Variants in GALNTL6 observed in about 807,000 individuals in gnomAD.
GALNTL6 encodes the protein polypeptide N-acetylgalactosaminyltransferase-like 6.
In GALNTL6, 46 loss-of-function variants were observed where a neutral mutation model predicts 73.7. The ratio of observed to expected loss-of-function variants is 0.62; its 90% confidence interval spans 0.49 to 0.80. The LOEUF is 0.80. Ranked by LOEUF, GALNTL6 falls within the 30% of genes least tolerant of loss-of-function variation. The pLI is 0.00. For missense variants in GALNTL6, 604 were observed against 755.0 expected, an observed-to-expected ratio of 0.80 and a Z score of 2.34; for synonymous variants, 259 against 263.7, an observed-to-expected ratio of 0.98 and a Z score of 0.17.
At chr4:172,853,816 C>T (rs182243237) in intron 7 of GALNTL6, among the ~76,000 whole-genome samples, 1 of 152,232 alleles carries the variant, frequency 6.6e-6, no homozygotes, top group Admixed American at 6.5e-5. Flanking sequence ...AACCTGCTTT[C>T]CAAAGCAGGT....
intron 7 of GALNTL6, among the ~76,000 whole-genome samples, chr4:172,834,870 G>A (rs377196185): frequency 1.4e-4 from 21 of 152,234 alleles, no homozygotes; most frequent in African/African-American, 4.3e-4. Flanking sequence ...TTCATGGCTT[G>A]TTCAAGAACC....
In GALNTL6 at chr4:172,790,896, C is replaced by CAA. The variant is rs770813700; in HGVS notation, c.554-18445_554-18444dup. ...CCTGGGCTACAGAGTGAGACTCCAT[C>CAA]AAAAAAAAAAAAAAAAAAAAAGCAT... On this transcript the variant is annotated intron_variant, in intron 5 of 12. Transcript: ENST00000506823. 1.4e-3 allele frequency among the ~76,000 whole-genome samples: 99 copies of CAA among 71,354 alleles called. 1 individual carries two copies. Among genetic ancestry groups the CAA allele is most frequent in the East Asian group, 4.9e-3 (11 of 2,260 alleles). The allele number at this position is 71,354 out of a possible 152,430, so 46.8% of individuals were successfully genotyped here.
intron 2 of GALNTL6, among the ~76,000 whole-genome samples, chr4:171,901,079 A>C (rs1425521795): frequency 6.6e-6 from 1 of 152,206 alleles, no homozygotes; most frequent in Non-Finnish European, 1.5e-5. Context: ...AATTACCCTG[A>C]TTTAAAGTTG....
intron 2 of GALNTL6, among the ~76,000 whole-genome samples, chr4:171,949,041 T>G (rs17057610): frequency 0.24 from 35,779 of 151,180 alleles, 4,464 homozygotes; most frequent in Middle Eastern, 0.33. Flanking sequence ...GTATTCAGAG[T>G]GCGTCCAAAA....
At chr4:172,468,906 C>T (rs191623691) in intron 5 of GALNTL6, among the ~76,000 whole-genome samples, 1 of 152,318 alleles carries the variant, frequency 6.6e-6, no homozygotes, top group East Asian at 1.9e-4. Flanking sequence ...TCTTCCTTTT[C>T]AGCTGGCTTC....
At chr4:172,057,715 AAAAAAAAAAAAAATATATATAT>A (rs1731061416) in intron 2 of GALNTL6, among the ~76,000 whole-genome samples, 1 of 104,896 alleles carries the variant, frequency 9.5e-6, no homozygotes, top group African/African-American at 3.7e-5. Context: ...AAAAAAAAAA[AAAAAAAAAAAAAATATATATAT>A]ATATATATAT....
chr4:172,423,582 T>C (rs1215794494), intron 5 of GALNTL6, among the ~76,000 whole-genome samples: 1 of 152,086 alleles, frequency 6.6e-6, no homozygotes, highest in Admixed American at 6.6e-5. Flanking sequence ...GACTACATTA[T>C]TTAAATTTGC....
chr4:172,477,640 A>C (rs1733286731), intron 5 of GALNTL6, among the ~76,000 whole-genome samples: 3 of 152,230 alleles, frequency 2.0e-5, no homozygotes, highest in African/African-American at 7.2e-5. Context: ...TATGATGAAC[A>C]ACAGATCTCA....
intron 2 of GALNTL6, among the ~76,000 whole-genome samples, chr4:171,904,691 A>G (rs183423518): frequency 0.012 from 1,879 of 152,232 alleles, 45 homozygotes; most frequent in African/African-American, 0.043. Context: ...ACACATAATT[A>G]TCAGATTCAC....
intron 3 of GALNTL6, among the ~76,000 whole-genome samples, chr4:172,307,230 T>C (rs906796258): frequency 1.3e-5 from 2 of 152,176 alleles, no homozygotes; most frequent in Non-Finnish European, 2.9e-5. Context: ...TGAGCACTTT[T>C]TCATATGTTT....
At chr4:172,126,009 A>G (rs937751196) in intron 2 of GALNTL6, among the ~76,000 whole-genome samples, 1 of 152,078 alleles carries the variant, frequency 6.6e-6, no homozygotes, top group Admixed American at 6.6e-5. Flanking sequence ...AGTATTATAT[A>G]TACACATTAG....
At chr4:172,313,830 C>G (rs764334168) in intron 4 of GALNTL6, among the ~76,000 whole-genome samples, 14 of 151,962 alleles carry the variant, frequency 9.2e-5, no homozygotes, top group Non-Finnish European at 8.8e-5. Flanking sequence ...CAACAAAAAC[C>G]TTGAGAGGGT....
intron 5 of GALNTL6, among the ~76,000 whole-genome samples, chr4:172,413,187 G>A (rs901106687): frequency 1.3e-5 from 2 of 152,172 alleles, no homozygotes; most frequent in Non-Finnish European, 1.5e-5. Context: ...ATGGGACTGG[G>A]TTTCTGCCAC....
chr4:172,000,790 G>A (rs72994974), intron 2 of GALNTL6, among the ~76,000 whole-genome samples: 2,623 of 152,232 alleles, frequency 0.017, 77 homozygotes, highest in African/African-American at 0.059. Context: ...TGGAGGAGCT[G>A]CCACCTCATC....
At chr4:172,380,311 T>C (rs1743233083) in intron 5 of GALNTL6, 2 of 739,906 alleles carry the variant, frequency 2.7e-6, no homozygotes, top group Admixed American at 1.7e-5. Flanking sequence ...GGTATTCTTC[T>C]GGAAGAAATA....
intron 3 of GALNTL6, among the ~76,000 whole-genome samples, chr4:172,251,369 A>G (rs1412123913): frequency 6.6e-6 from 1 of 152,184 alleles, no homozygotes; most frequent in Non-Finnish European, 1.5e-5. Flanking sequence ...ACTCTTTCAC[A>G]AAAACATCCA....
At chr4:172,597,502 A>T (rs181950397) in intron 5 of GALNTL6, among the ~76,000 whole-genome samples, 59 of 152,296 alleles carry the variant, frequency 3.9e-4, no homozygotes, top group Middle Eastern at 3.4e-3. Context: ...TTGCTTTGCC[A>T]TATGTAGAAA....
chr4:172,630,438 A>G (rs185967871), intron 5 of GALNTL6, among the ~76,000 whole-genome samples: 92 of 152,186 alleles, frequency 6.0e-4, no homozygotes, highest in African/African-American at 1.7e-3. Flanking sequence ...AATTATCTCC[A>G]TCAGTCGCTC....
intron 7 of GALNTL6, among the ~76,000 whole-genome samples, chr4:172,841,399 T>C (rs1274426703): frequency 6.6e-6 from 1 of 152,156 alleles, no homozygotes; most frequent in East Asian, 1.9e-4. Context: ...ATAAGACAAA[T>C]ACCTAGCTCC....
Sources: gnomAD v4.1 joint callset for allele counts (sites outside exome capture counted in the v4.1 genomes callset) on GRCh38, gnomAD v4.1.1 for gene constraint, MANE v1.5 for transcripts, NCBI Gene and HGNC (gene_info 2026-07-23, HGNC 2026-07-21) for gene names.